The following FOXK1 variants were observed in gnomAD, a reference collection of about 807,000 sequenced individuals.
FOXK1 encodes the protein forkhead box protein K1.
FOXK1 carries 19 observed loss-of-function variants against 51.9 expected under a neutral mutation model. The observed-to-expected ratio is 0.37, with a 90% CI of 0.26 to 0.54. The LOEUF is 0.54. Among genes scored for constraint, FOXK1 ranks in the 20% least tolerant of loss-of-function variants. FOXK1 has a pLI of 0.87. For synonymous variants in FOXK1, 537 were observed against 482.6 expected (o/e 1.11, Z -1.48); for missense variants, 870 against 1,032.7 (o/e 0.84, Z 2.16).
At chr7:4,720,579 C>T (rs1780295768) in intron 1 of FOXK1, among the ~76,000 whole-genome samples, 2 of 152,172 alleles carry the variant, frequency 1.3e-5, no homozygotes, top group South Asian at 2.1e-4. Flanking sequence ...TGGCCAACTT[C>T]GATGCTGGCA....
intron 1 of FOXK1, among the ~76,000 whole-genome samples, chr7:4,702,323 T>C (rs1489124757): frequency 2.6e-5 from 4 of 151,966 alleles, no homozygotes; most frequent in Admixed American, 6.6e-5. Context: ...AAGAGGCATT[T>C]GTTGTTTGTG....
In FOXK1 at chr7:4,764,412, G is replaced by A. The variant is rs1190454368; in HGVS notation, c.*1948G>A. 1 of 154,526 alleles carries A rather than the reference G, an allele frequency of 6.5e-6. No homozygotes were observed. The highest frequency in any genetic ancestry group is 1.9e-4 in the East Asian group (1 of 5,198). 9.6% of individuals were successfully genotyped at this position (154,526 alleles called of 1,614,324 possible). The stretch of plus-strand genomic sequence containing the variant: ...CCTGGGTGAGGTTTCAGAGAAACGG[G>A]GGCAGGATGAACACAGCCGGCTGTC... On this transcript the variant is annotated 3_prime_UTR_variant, in exon 9 of 9. Transcript: ENST00000328914.
At chr7:4,757,256 G>C in intron 5 of FOXK1, 69 bp downstream of exon 5, 1 of 1,391,056 alleles carries the variant, frequency 7.2e-7, no homozygotes, top group Non-Finnish European at 9.8e-7. Flanking sequence ...TTAGAGATAC[G>C]TGGCGCAGTC....
chr7:4,745,690 G>C lies in FOXK1; in HGVS notation c.746+4667G>C, dbSNP rs1015960209. Among the ~76,000 whole-genome samples the C allele has an allele frequency of 6.6e-6, 1 of 152,028 alleles. No individual in the cohort carries two copies. Among genetic ancestry groups the C allele is most frequent in the Non-Finnish European group, 1.5e-5 (1 of 68,018 alleles). On this transcript the variant is annotated intron_variant, in intron 2 of 8. Transcript: ENST00000328914. The surrounding 1 kb of genome is among the most constrained non-coding windows in gnomAD (Gnocchi z 4.3). ...AGGCTGAGGCAGGCGGATCACCTGA[G>C]GTCAGGAGTTCGAGACCAGCCTGGT...
Position 4,761,900 on chromosome 7 carries a change from A to G in FOXK1, c.1922-284A>G, listed in dbSNP as rs1780937396. 6.6e-6 allele frequency among the ~76,000 whole-genome samples: 1 copy of G among 151,996 alleles called. No individual in the cohort carries two copies. ...TCAGTGGGGTGGCTCAGGGCAGTGC[A>G]TCTGTGTAAAGGAGTGAGGCAAGCC... On this transcript the variant is annotated intron_variant, in intron 8 of 8. Coordinates refer to ENST00000328914, the MANE Select transcript of FOXK1 (RefSeq NM_001037165.2). This position sits in a 1 kb window ranked among gnomAD's most constrained non-coding sequence, Gnocchi z 6.2.
Position 4,682,792 on chromosome 7 carries a change from T to A in FOXK1, c.484T>A (p.Cys162Ser), listed in dbSNP as rs1010066487. The A allele has an allele frequency of 1.9e-6, 3 of 1,591,498 alleles. No individual in the cohort carries two copies. Among genetic ancestry groups the A allele is most frequent in the Non-Finnish European group, 2.6e-6 (3 of 1,175,428 alleles). Reference protein sequence around the residue: ...SFQEPHFYLRCLGKNGVFVDG... With the variant: ...SFQEPHFYLRSLGKNGVFVDG... ...CCAGGAGCCGCACTTCTACCTGCGC[T>A]GCCTCGGCAAGAACGGCGTCTTCGT... Residue 162 changes from cysteine to serine, a missense_variant, in exon 1 of 9, where the codon TGC (cysteine) becomes AGC (serine). Cys to Ser is a moderately radical substitution (Grantham distance 112). Around this residue, in one of 3 missense-constraint regions of FOXK1, gnomAD observed 399 missense variants for 475.6 expected, o/e 0.84. Transcript: ENST00000328914. The surrounding 1 kb of genome is among the most constrained non-coding windows in gnomAD (Gnocchi z 7.6).
At chr7:4,742,457 T>C (rs1780647556) in intron 2 of FOXK1, among the ~76,000 whole-genome samples, 1 of 152,120 alleles carries the variant, frequency 6.6e-6, no homozygotes. Context: ...CACTCTGTCG[T>C]CCAGGCTAGA....
chr7:4,699,956 C>T (rs1466536785), intron 1 of FOXK1, among the ~76,000 whole-genome samples: 1 of 152,198 alleles, frequency 6.6e-6, no homozygotes, highest in Non-Finnish European at 1.5e-5. Context: ...GCTAGGACCT[C>T]CAAATAACAT....
rs912819409 is a variant in FOXK1, at chr7:4,767,382, TCTG to T, written c.*4923_*4925del. 6.6e-6 allele frequency: 1 copy of T among 152,220 alleles called. No homozygotes were observed. Among genetic ancestry groups the T allele is most frequent in the Non-Finnish European group, 1.5e-5 (1 of 68,046 alleles). The allele number at this position is 152,220 out of a possible 1,614,324, so 9.4% of individuals were successfully genotyped here. ...CTGCGGGCGGCCTGGCTGCGGTAGG[TCTG>T]CTGCAAGGAGCCACCACGGGGACTG... On this transcript the variant is annotated 3_prime_UTR_variant, in exon 9 of 9. Transcript: ENST00000328914. This position sits in a 1 kb window ranked among gnomAD's most constrained non-coding sequence, Gnocchi z 6.6.
rs146678822 is a variant in FOXK1, at chr7:4,737,552, CTGTG to C, written c.561-3267_561-3264del. Among the ~76,000 whole-genome samples the C allele has an allele frequency of 3.8e-3, 561 of 148,980 alleles. 6 individuals carry two copies. The highest frequency in any genetic ancestry group is 5.5e-3 in the Admixed American group (80 of 14,600). ...TGCATTCATGCACGTGTGTGCGTGCCTGTGTGTGTGTGTGTGTGTGTGCATGCAT... is the reference window on the plus strand; with the variant it reads ...TGCATTCATGCACGTGTGTGCGTGCCTGTGTGTGTGTGTGTGTGCATGCAT... On this transcript the variant is annotated intron_variant, in intron 1 of 8. Transcript: ENST00000328914.
intron 1 of FOXK1, among the ~76,000 whole-genome samples, chr7:4,718,171 C>G (rs1222944739): frequency 6.6e-6 from 1 of 152,220 alleles, no homozygotes; most frequent in African/African-American, 2.4e-5. Context: ...CCAGCCTCCT[C>G]CGACGCGTCC....
chr7:4,724,899 GC>G (rs2115050416), intron 1 of FOXK1, among the ~76,000 whole-genome samples: 1 of 152,308 alleles, frequency 6.6e-6, no homozygotes, highest in African/African-American at 2.4e-5. Flanking sequence ...TGCATTGCTG[GC>G]CCCCAGCTGC....
chr7:4,714,558 A>T (rs556311244), intron 1 of FOXK1, among the ~76,000 whole-genome samples: 11 of 152,332 alleles, frequency 7.2e-5, no homozygotes, highest in African/African-American at 2.6e-4. Context: ...TACGGGCGTG[A>T]GCCACCAGCC....
In FOXK1 at chr7:4,747,516, T is replaced by A. The variant is rs770226624; in HGVS notation, c.746+6493T>A. Among the ~76,000 whole-genome samples, 7 of 152,112 alleles carry A rather than the reference T, an allele frequency of 4.6e-5. No individual in the cohort carries two copies. Among genetic ancestry groups the A allele is most frequent in the Non-Finnish European group, 1.0e-4 (7 of 68,018 alleles). On this transcript the variant is annotated intron_variant, in intron 2 of 8. Coordinates refer to ENST00000328914, the MANE Select transcript of FOXK1 (RefSeq NM_001037165.2). This position sits in a 1 kb window ranked among gnomAD's most constrained non-coding sequence, Gnocchi z 9.2. ...TTTTTAATGCTGGTTCCAATTTGGG[T>A]TTGGGGGGTTGATTTTGTTTTTGTT...
chr7:4,714,961 G>A (rs1780216370), intron 1 of FOXK1, among the ~76,000 whole-genome samples: 2 of 152,170 alleles, frequency 1.3e-5, no homozygotes, highest in African/African-American at 2.4e-5. Context: ...TTCAGGGAGT[G>A]TCTTGTTGTA....
chr7:4,722,556 A>G lies in FOXK1; in HGVS notation c.561-18282A>G, dbSNP rs1780328417. ...GGGTACACTCGTGCCTGTTAACCGC[A>G]CACCTGCGTGCAGCACGGGCACACT... On this transcript the variant is annotated intron_variant, in intron 1 of 8. Coordinates refer to ENST00000328914, the MANE Select transcript of FOXK1 (RefSeq NM_001037165.2). The surrounding 1 kb of genome is among the most constrained non-coding windows in gnomAD (Gnocchi z 5.1). Among the ~76,000 whole-genome samples, 1 of 152,190 alleles carries G rather than the reference A, an allele frequency of 6.6e-6. No homozygotes were observed. Among genetic ancestry groups the G allele is most frequent in the Non-Finnish European group, 1.5e-5 (1 of 68,032 alleles).
intron 1 of FOXK1, among the ~76,000 whole-genome samples, chr7:4,736,532 C>T (rs1386192907): frequency 6.6e-6 from 1 of 151,970 alleles, no homozygotes; most frequent in East Asian, 1.9e-4. Context: ...CCTGCCTCAG[C>T]CTCCCGAGTA....
chr7:4,710,201 T>C (rs1446105111), intron 1 of FOXK1, among the ~76,000 whole-genome samples: 1 of 152,238 alleles, frequency 6.6e-6, no homozygotes, highest in Admixed American at 6.5e-5. Flanking sequence ...GTTTCCTCAG[T>C]CGCAAACAAC....
chr7:4,705,782 C>G (rs1357776439), intron 1 of FOXK1, among the ~76,000 whole-genome samples: 1 of 150,550 alleles, frequency 6.6e-6, no homozygotes, highest in South Asian at 2.1e-4. Context: ...CGTGACCCCC[C>G]CCCGCCTCAG....
Sources: allele counts gnomAD v4.1 joint callset (sites outside exome capture counted in the v4.1 genomes callset), GRCh38; gene constraint gnomAD v4.1.1; regional missense constraint gnomAD v4.1.1; non-coding constraint Gnocchi (gnomAD v3.1); transcripts MANE v1.5; gene names NCBI Gene and HGNC (gene_info 2026-07-23, HGNC 2026-07-21).